MCTP2: variants seen among roughly 807,000 people sequenced by gnomAD.
The protein encoded by MCTP2 is multiple C2 and transmembrane domain-containing protein 2.
Under a neutral mutation model 111.6 loss-of-function variants are expected in MCTP2, and 132 were observed. That is an observed-to-expected ratio of 1.18 (90% CI 1.03 to 1.37). The LOEUF (loss-of-function observed/expected upper bound fraction) is 1.37. MCTP2 is among the 40% of genes most tolerant of loss of function. The probability of loss-of-function intolerance (pLI) is 0.00; values close to 1 mark genes in which losing one functional copy is unlikely to be tolerated. For missense variants in MCTP2, 1,183 were observed against 1,067.9 expected, an observed-to-expected ratio of 1.11 and a Z score of -1.50; for synonymous variants, 395 against 387.7, an observed-to-expected ratio of 1.02 and a Z score of -0.22.
intron 15 of MCTP2, 76 bp downstream of exon 15, chr15:94,399,138 T>G: frequency 1.3e-6 from 1 of 757,934 alleles, no homozygotes; most frequent in East Asian, 2.5e-5. Flanking sequence ...GAGGCTCAAA[T>G]CAATGTAAGA....
chr15:94,352,953 G>C (rs1369765065), intron 8 of MCTP2, among the ~76,000 whole-genome samples: 1 of 152,222 alleles, frequency 6.6e-6, no homozygotes, highest in Non-Finnish European at 1.5e-5. Context: ...ACCTCCTCCA[G>C]CATGTGTGGA....
chr15:94,411,220 T>C (rs776596587), intron 17 of MCTP2, among the ~76,000 whole-genome samples: 1 of 151,858 alleles, frequency 6.6e-6, no homozygotes, highest in Non-Finnish European at 1.5e-5. Flanking sequence ...ACCAATTCCT[T>C]ATGTAGGTTT....
intron 19 of MCTP2, among the ~76,000 whole-genome samples, chr15:94,447,514 C>T (rs1019356104): frequency 6.6e-6 from 1 of 152,150 alleles, no homozygotes; most frequent in Admixed American, 6.5e-5. Flanking sequence ...CGTGCCTCCG[C>T]CTCTGGAGTA....
At chr15:94,259,799 C>T (rs551383230) in intron 1 of MCTP2, among the ~76,000 whole-genome samples, 1 of 152,124 alleles carries the variant, frequency 6.6e-6, no homozygotes, top group East Asian at 1.9e-4. Flanking sequence ...TGGACATGAT[C>T]GCTTGTAAAG....
chr15:94,404,442 C>T (rs2081790991), intron 17 of MCTP2, among the ~76,000 whole-genome samples: 1 of 151,836 alleles, frequency 6.6e-6, no homozygotes. Flanking sequence ...ACTGAGACTA[C>T]AGGCACGCAC....
At position 94,310,151 on chromosome 15, in the gene MCTP2, C is replaced by T. The variant is rs571642761; in HGVS notation, c.466-4131C>T. On this transcript the variant is annotated intron_variant, in intron 2 of 22. Coordinates refer to ENST00000357742, the MANE Select transcript of MCTP2 (RefSeq NM_001385001.1). ...ACTACTCAGCAATAAAAAAGAATGA[C>T]GCAGATGACAACCTTTACGGATTTC... Among the ~76,000 whole-genome samples the T allele has an allele frequency of 4.6e-5, 7 of 152,178 alleles. No individual in the cohort carries two copies. In the East Asian group the frequency reaches 7.7e-4, roughly 17 times the overall value.
At chr15:94,385,572 G>T in intron 14 of MCTP2, 47 bp downstream of exon 14, 1 of 1,320,170 alleles carries the variant, frequency 7.6e-7, no homozygotes, top group South Asian at 1.2e-5. Context: ...TTTTATAGTT[G>T]ATGAGTTTCT....
At position 94,241,162 on chromosome 15, in the gene MCTP2, C is replaced by T. The variant is rs537255910; in HGVS notation, c.-66+9498C>T. 1.1e-3 allele frequency among the ~76,000 whole-genome samples: 164 copies of T among 151,768 alleles called. 1 individual carries two copies. Among genetic ancestry groups the T allele is most frequent in the Non-Finnish European group, 4.7e-4 (32 of 67,870 alleles). On this transcript the variant is annotated intron_variant, in intron 1 of 22. Transcript: ENST00000357742. ...CTTTAGTTTCATGTAGAGTCGGTGGCTTTCTAGGATGTGAGAGCAAATGCA... is the reference window on the plus strand; with the variant it reads ...CTTTAGTTTCATGTAGAGTCGGTGGTTTTCTAGGATGTGAGAGCAAATGCA...
intron 17 of MCTP2, among the ~76,000 whole-genome samples, chr15:94,414,326 C>G (rs1470856753): frequency 6.6e-6 from 1 of 152,124 alleles, no homozygotes; most frequent in Non-Finnish European, 1.5e-5. Flanking sequence ...TTCTTATATT[C>G]TGTTTCAATT....
chr15:94,360,795 G>A (rs554125012), intron 10 of MCTP2, among the ~76,000 whole-genome samples: 1 of 151,190 alleles, frequency 6.6e-6, no homozygotes, highest in South Asian at 2.1e-4. Flanking sequence ...GTTTATAACC[G>A]AGACATATAC....
chr15:94,455,042 AAACTCCCG>A (rs2084727252), intron 19 of MCTP2, among the ~76,000 whole-genome samples: 1 of 152,146 alleles, frequency 6.6e-6, no homozygotes, highest in Admixed American at 6.5e-5. Context: ...GGCTGGTCTC[AAACTCCCG>A]ACCTCAAGTG....
intron 12 of MCTP2, among the ~76,000 whole-genome samples, chr15:94,378,152 A>C (rs1032020844): frequency 6.6e-6 from 1 of 152,156 alleles, no homozygotes; most frequent in African/African-American, 2.4e-5. Context: ...GAAAATGGGA[A>C]GATGTTAGAC....
At chr15:94,385,373 A>G (rs760056639) in intron 13 of MCTP2, 50 bp from the exon 14 acceptor site, 5 of 1,238,102 alleles carry the variant, frequency 4.0e-6, no homozygotes, top group Non-Finnish European at 4.8e-6. Context: ...TTCATGGAAC[A>G]GACTTCACTT....
At chr15:94,247,860 C>T (rs552015903) in intron 1 of MCTP2, among the ~76,000 whole-genome samples, 6 of 152,108 alleles carry the variant, frequency 3.9e-5, no homozygotes, top group Middle Eastern at 3.2e-3. Context: ...GTTAATAAAA[C>T]GAATCCTCTT....
chr15:94,313,870 TC>T (rs2076259632), intron 2 of MCTP2, among the ~76,000 whole-genome samples: 1 of 152,202 alleles, frequency 6.6e-6, no homozygotes. Context: ...AACGTTTCCT[TC>T]CGAACGGACA....
intron 14 of MCTP2, among the ~76,000 whole-genome samples, chr15:94,397,188 T>A (rs531454013): frequency 6.6e-6 from 1 of 152,322 alleles, no homozygotes; most frequent in African/African-American, 2.4e-5. Flanking sequence ...TATCTCAGGC[T>A]TTGATGCCTG....
chr15:94,456,120 A>T (rs942169885), intron 19 of MCTP2, among the ~76,000 whole-genome samples: 2 of 152,228 alleles, frequency 1.3e-5, no homozygotes. Context: ...GTTTACTTCT[A>T]CTCTTAAAAG....
chr15:94,454,017 G>A (rs181053585), intron 19 of MCTP2, among the ~76,000 whole-genome samples: 62 of 152,002 alleles, frequency 4.1e-4, no homozygotes, highest in African/African-American at 1.2e-3. Flanking sequence ...AGATTTCATC[G>A]TACATATATG....
At chr15:94,385,177 G>A (rs1224222506) in intron 13 of MCTP2, among the ~76,000 whole-genome samples, 1 of 151,996 alleles carries the variant, frequency 6.6e-6, no homozygotes, top group Admixed American at 6.6e-5. Flanking sequence ...TTGAGTGCAG[G>A]TATACTGTTT....
Sources: gnomAD v4.1 joint callset for allele counts (sites outside exome capture counted in the v4.1 genomes callset) on GRCh38, gnomAD v4.1.1 for gene constraint, MANE v1.5 for transcripts, NCBI Gene and HGNC (gene_info 2026-07-23, HGNC 2026-07-21) for gene names.